Variants in CDH13 observed in about 807,000 individuals in gnomAD.
CDH13 encodes the protein cadherin 13, also known as cadherin-13.
CDH13 carries 24 observed loss-of-function variants against 63.8 expected under a neutral mutation model. The observed-to-expected ratio is 0.38, with a 90% CI of 0.27 to 0.53. The LOEUF (loss-of-function observed/expected upper bound fraction) is 0.53, where lower values mean the gene tolerates loss of function less well. Among genes scored for constraint, CDH13 ranks in the 20% least tolerant of loss-of-function variants. The pLI is 0.85. For synonymous variants in CDH13, 503 were observed against 355.3 expected, an observed-to-expected ratio of 1.42 and a Z score of -4.67; for missense variants, 1,049 against 903.1, an observed-to-expected ratio of 1.16 and a Z score of -2.07.
chr16:83,579,283 C>G (rs926886794), intron 7 of CDH13, among the ~76,000 whole-genome samples: 6 of 152,168 alleles, frequency 3.9e-5, no homozygotes, highest in Admixed American at 1.3e-4. Flanking sequence ...CCTACACTGT[C>G]ATTGTGTTAG....
chr16:82,673,216 G>C (rs1376619006), intron 1 of CDH13, among the ~76,000 whole-genome samples: 1 of 151,880 alleles, frequency 6.6e-6, no homozygotes, highest in Admixed American at 6.6e-5. Context: ...GGTAGATGCA[G>C]GTGTTTGATT....
At chr16:83,088,328 A>G (rs2033717031) in intron 3 of CDH13, among the ~76,000 whole-genome samples, 1 of 152,194 alleles carries the variant, frequency 6.6e-6, no homozygotes, top group East Asian at 1.9e-4. Flanking sequence ...ATGAGTTTAA[A>G]TGTCAGGGTT....
intron 1 of CDH13, among the ~76,000 whole-genome samples, chr16:82,743,981 A>G (rs1331888830): frequency 6.6e-6 from 1 of 152,182 alleles, no homozygotes; most frequent in Non-Finnish European, 1.5e-5. Flanking sequence ...GCTCTTTTAG[A>G]CTTTGGAGAA....
chr16:83,170,495 C>T (rs533936697), intron 4 of CDH13, among the ~76,000 whole-genome samples: 3 of 152,126 alleles, frequency 2.0e-5, no homozygotes, highest in Admixed American at 6.6e-5. Flanking sequence ...GTGAGAAACT[C>T]ACCAATACAA....
intron 2 of CDH13, among the ~76,000 whole-genome samples, chr16:82,935,414 C>A (rs1044910889): frequency 6.6e-6 from 1 of 152,116 alleles, no homozygotes; most frequent in South Asian, 2.1e-4. Context: ...AAAGCCAGAC[C>A]GTATGACATG....
At chr16:82,778,570 GAAA>G (rs11350020) in intron 1 of CDH13, among the ~76,000 whole-genome samples, 7 of 85,768 alleles carry the variant, frequency 8.2e-5, no homozygotes, top group Admixed American at 1.5e-4. Context: ...ATCACGACCA[GAAA>G]AAAAAAAAAA....
intron 5 of CDH13, among the ~76,000 whole-genome samples, chr16:83,317,044 T>C (rs2090121547): frequency 6.6e-6 from 1 of 152,222 alleles, no homozygotes; most frequent in South Asian, 2.1e-4. Context: ...TCTGCAGACA[T>C]TTCTGGTTAT....
At chr16:82,738,401 C>G (rs1054439812) in intron 1 of CDH13, among the ~76,000 whole-genome samples, 2 of 152,182 alleles carry the variant, frequency 1.3e-5, no homozygotes, top group African/African-American at 2.4e-5. Context: ...CAAAAATAAG[C>G]CTCTTGCCGG....
At chr16:83,684,021 A>T (rs1904279366) in intron 10 of CDH13, among the ~76,000 whole-genome samples, 1 of 152,174 alleles carries the variant, frequency 6.6e-6, no homozygotes, top group Non-Finnish European at 1.5e-5. Context: ...TATCCTGATG[A>T]TATTCGAGTA....
chr16:82,639,294 C>A, intron 1 of CDH13: 4 of 1,140,824 alleles, frequency 3.5e-6, no homozygotes, highest in South Asian at 1.6e-5. Context: ...CTGATTGCAA[C>A]CTTCAGAACA....
intron 4 of CDH13, among the ~76,000 whole-genome samples, chr16:83,210,520 C>A (rs947882353): frequency 2.0e-5 from 3 of 152,004 alleles, no homozygotes; most frequent in African/African-American, 7.2e-5. Flanking sequence ...TTTACGTATT[C>A]ATTATGCAAT....
intron 1 of CDH13, among the ~76,000 whole-genome samples, chr16:82,830,047 T>C (rs540300390): frequency 2.6e-5 from 4 of 152,370 alleles, no homozygotes; most frequent in African/African-American, 9.6e-5. Context: ...ATATCTCATT[T>C]AATCCTACAG....
intron 10 of CDH13, among the ~76,000 whole-genome samples, chr16:83,692,270 G>A (rs1166142466): frequency 6.6e-6 from 1 of 152,204 alleles, no homozygotes; most frequent in Non-Finnish European, 1.5e-5. Context: ...ATTGCTGCCA[G>A]ATGCCTGTAA....
chr16:82,831,013 C>T (rs1384715367), intron 1 of CDH13, among the ~76,000 whole-genome samples: 1 of 152,140 alleles, frequency 6.6e-6, no homozygotes, highest in Non-Finnish European at 1.5e-5. Flanking sequence ...GCTACGGCCC[C>T]CTTCTCTGCT....
At chr16:83,161,196 G>A (rs67814532) in intron 4 of CDH13, among the ~76,000 whole-genome samples, 27,305 of 152,044 alleles carry the variant, frequency 0.18, 3,523 homozygotes, top group African/African-American at 0.37. Flanking sequence ...ATTAATTAAA[G>A]CCTCCAGTTT....
chr16:83,752,520 T>C (rs1913168430), intron 11 of CDH13, among the ~76,000 whole-genome samples: 2 of 152,232 alleles, frequency 1.3e-5, no homozygotes, highest in South Asian at 4.1e-4. Flanking sequence ...GAAGCAGCAA[T>C]CTGGTCTAAA....
intron 6 of CDH13, among the ~76,000 whole-genome samples, chr16:83,481,824 C>A (rs980300198): frequency 6.6e-6 from 1 of 152,148 alleles, no homozygotes; most frequent in African/African-American, 2.4e-5. Flanking sequence ...CAATGCGTGT[C>A]TGTCATATAA....
At chr16:83,525,391 C>T (rs1347735556) in intron 7 of CDH13, among the ~76,000 whole-genome samples, 1 of 152,184 alleles carries the variant, frequency 6.6e-6, no homozygotes, top group African/African-American at 2.4e-5. Flanking sequence ...TGCCTGTGGT[C>T]ACATGGTTAA....
chr16:83,613,775 T>C (rs1413199440), intron 8 of CDH13, among the ~76,000 whole-genome samples: 2 of 152,094 alleles, frequency 1.3e-5, no homozygotes, highest in African/African-American at 2.4e-5. Context: ...GGAGGTTGCA[T>C]TGAGCTGAGA....
Sources: allele counts gnomAD v4.1 joint callset (sites outside exome capture counted in the v4.1 genomes callset), GRCh38; gene constraint gnomAD v4.1.1; transcripts MANE v1.5; gene names NCBI Gene and HGNC (gene_info 2026-07-23, HGNC 2026-07-21).